Variants in COL11A1 observed in about 807,000 individuals in gnomAD.
COL11A1 encodes the protein collagen alpha-1(XI) chain.
Under a neutral mutation model 265.2 loss-of-function variants are expected in COL11A1, and 74 were observed. The observed-to-expected ratio is 0.28, with a 90% CI of 0.23 to 0.34. The LOEUF is 0.34. Among genes scored for constraint, COL11A1 ranks in the 10% least tolerant of loss-of-function variants. The pLI is 1.00. For missense variants in COL11A1, 2,165 were observed against 2,263.6 expected (o/e 0.96, Z 0.88); for synonymous variants, 816 against 727.6 (o/e 1.12, Z -1.96).
chr1:102,945,933 T>A (rs947506285), intron 42 of COL11A1, among the ~76,000 whole-genome samples: 1 of 149,772 alleles, frequency 6.7e-6, no homozygotes, highest in African/African-American at 2.5e-5. Context: ...AACCCAAATG[T>A]CCAACAATGA....
At chr1:103,023,236 C>T (rs1265963825) in intron 7 of COL11A1, among the ~76,000 whole-genome samples, 1 of 152,146 alleles carries the variant, frequency 6.6e-6, no homozygotes. Context: ...CAAATATTCA[C>T]ATGGAATTAA....
intron 2 of COL11A1, among the ~76,000 whole-genome samples, chr1:103,082,313 A>G (rs2102320856): frequency 1.3e-5 from 2 of 152,194 alleles, no homozygotes; most frequent in South Asian, 4.1e-4. Flanking sequence ...AAGAAAAAGT[A>G]TCTCTTTCAA....
intron 30 of COL11A1, among the ~76,000 whole-genome samples, chr1:102,987,371 CTT>C (rs34440236): frequency 6.9e-6 from 1 of 145,530 alleles, no homozygotes; most frequent in Non-Finnish European, 1.5e-5. Context: ...ACATTTCTTG[CTT>C]TTTTTTTTTT....
At chr1:102,945,190 T>C (rs3126210) in intron 42 of COL11A1, among the ~76,000 whole-genome samples, 137,283 of 151,584 alleles carry the variant, frequency 0.91, 63,082 homozygotes, top group East Asian at 1. Flanking sequence ...TGAAATTAAT[T>C]AATGCCGTTA....
chr1:103,037,252 T>TTGTGTGTGTGTG (rs10582908), intron 4 of COL11A1, among the ~76,000 whole-genome samples: 54 of 145,218 alleles, frequency 3.7e-4, no homozygotes, highest in African/African-American at 1.4e-3. Context: ...TACATTTAGA[T>TTGTGTGTGTGTG]TGTGTGTGTG....
At position 102,948,506 on chromosome 1, in the gene COL11A1, A is replaced by G. The variant is rs79156010; in HGVS notation, c.3169-1550T>C. Reference sequence around the variant, plus strand: ...TTGGAGAGACATTGCCAAAAATATAATTAAGGAAATTGTGAAATTTGAGCT... The same window carrying G: ...TTGGAGAGACATTGCCAAAAATATAGTTAAGGAAATTGTGAAATTTGAGCT... On this transcript the variant is annotated intron_variant, in intron 41 of 66. Coordinates refer to ENST00000370096, the MANE Select transcript of COL11A1 (RefSeq NM_001854.4). Among the ~76,000 whole-genome samples, 1,374 of 152,152 alleles carry G rather than the reference A, an allele frequency of 9.0e-3. 20 individuals are homozygous for G. The highest frequency in any genetic ancestry group is 0.032 in the African/African-American group (1,310 of 41,534).
intron 41 of COL11A1, among the ~76,000 whole-genome samples, chr1:102,957,224 AT>A (rs1356509037): frequency 6.6e-6 from 1 of 152,104 alleles, no homozygotes; most frequent in African/African-American, 2.4e-5. Context: ...AAATATACTT[AT>A]AAATGAATAG....
chr1:102,999,228 T>C (rs1244193199), intron 24 of COL11A1, among the ~76,000 whole-genome samples: 2 of 151,982 alleles, frequency 1.3e-5, no homozygotes, highest in African/African-American at 4.8e-5. Context: ...GTACAATCAT[T>C]GTATTCATAT....
At chr1:102,919,004 T>C (rs1282726250) in intron 49 of COL11A1, among the ~76,000 whole-genome samples, 1 of 151,958 alleles carries the variant, frequency 6.6e-6, no homozygotes, top group African/African-American at 2.4e-5. Flanking sequence ...CAAAAGGAGA[T>C]GATGCAAAGA....
At chr1:103,025,832 G>A (rs764529821) in intron 6 of COL11A1, 1 of 1,613,468 alleles carries the variant, frequency 6.2e-7, no homozygotes, top group East Asian at 2.2e-5. Flanking sequence ...GCTGATGCTT[G>A]ATAACTTTTC....
chr1:102,965,030 A>C (rs1437689185), intron 38 of COL11A1, among the ~76,000 whole-genome samples: 1 of 152,102 alleles, frequency 6.6e-6, no homozygotes, highest in Non-Finnish European at 1.5e-5. Flanking sequence ...TTATGAAGGC[A>C]AAAATCTTAA....
At chr1:103,003,153 C>T in intron 21 of COL11A1, 62 bp downstream of exon 21, 1 of 1,551,078 alleles carries the variant, frequency 6.4e-7, no homozygotes, top group Non-Finnish European at 8.9e-7. Flanking sequence ...GCTTTTATGG[C>T]CTCTAAAAGG....
chr1:102,986,582 T>C (rs1028217835), intron 30 of COL11A1, among the ~76,000 whole-genome samples: 37 of 152,142 alleles, frequency 2.4e-4, no homozygotes, highest in African/African-American at 8.7e-4. Context: ...GAATGTTTGT[T>C]GTAGAAAATA....
In COL11A1 at chr1:102,898,671, G is replaced by C. The variant is rs2100922475; in HGVS notation, c.4243C>G (p.Pro1415Ala). ...TTTTTAACACAGATGCTCACCACAGGACCAGGGATGCCCCGAAGACCTTCT... is the reference window on the plus strand; with the variant it reads ...TTTTTAACACAGATGCTCACCACAGCACCAGGGATGCCCCGAAGACCTTCT... The part of the protein sequence containing the change: ...GPEGLRGIPG[P>A]VGEQGLPGAA... Residue 1415 changes from proline (P) to alanine (A), a missense_variant, in exon 56 of 67, where the codon CCT (proline) becomes GCT (alanine). Physicochemically the swap from Pro to Ala is conservative, Grantham distance 27. Coordinates refer to ENST00000370096, the MANE Select transcript of COL11A1 (RefSeq NM_001854.4). 2.5e-6 allele frequency: 4 copies of C among 1,611,528 alleles called. No individual in the cohort carries two copies. The highest frequency in any genetic ancestry group is 3.4e-6 in the Non-Finnish European group (4 of 1,178,486).
At chr1:102,883,396 G>T (rs1398241846) in intron 63 of COL11A1, 85 bp from the exon 64 acceptor site, 4 of 868,652 alleles carry the variant, frequency 4.6e-6, no homozygotes, top group South Asian at 2.7e-5. Flanking sequence ...GTTAGAAAGA[G>T]AAATAAGGAA....
chr1:103,060,447 T>G (rs1670584217), intron 4 of COL11A1, among the ~76,000 whole-genome samples: 1 of 151,910 alleles, frequency 6.6e-6, no homozygotes, highest in African/African-American at 2.4e-5. Context: ...AAAATATTTT[T>G]TATTATTATT....
chr1:102,890,486 C>G lies in COL11A1; in HGVS notation c.4321G>C (p.Gly1441Arg), dbSNP rs774928560. ...PGPMGPPGLP[G>R]LKGDPGSKGE... ...TTGGAGCCAGGGTCACCTTTGAGAC[C>G]AGGTAAGCCAGGAGGTCCCTAAATA... Residue 1441 changes from glycine to arginine, a missense_variant, in exon 58 of 67, where the codon GGT (glycine) becomes CGT (arginine). Coordinates refer to ENST00000370096, the MANE Select transcript of COL11A1 (RefSeq NM_001854.4). The G allele has an allele frequency of 6.2e-7, 1 of 1,606,552 alleles. No individual in the cohort carries two copies. Among genetic ancestry groups the G allele is most frequent in the Admixed American group, 1.7e-5 (1 of 59,096 alleles).
intron 1 of COL11A1, among the ~76,000 whole-genome samples, chr1:103,090,970 A>G (rs925683075): frequency 6.6e-6 from 1 of 152,146 alleles, no homozygotes; most frequent in Non-Finnish European, 1.5e-5. Context: ...TCCAGATGCA[A>G]ACAACCTCAG....
chr1:103,052,170 T>G (rs912322374), intron 4 of COL11A1, among the ~76,000 whole-genome samples: 1 of 152,160 alleles, frequency 6.6e-6, no homozygotes, highest in Non-Finnish European at 1.5e-5. Context: ...TACCTTTTAT[T>G]TGAACCAATA....
Sources: allele counts gnomAD v4.1 joint callset (sites outside exome capture counted in the v4.1 genomes callset), GRCh38; gene constraint gnomAD v4.1.1; transcripts MANE v1.5; gene names NCBI Gene and HGNC (gene_info 2026-07-23, HGNC 2026-07-21).